The following TACR1 variants were observed in gnomAD, a reference collection of about 807,000 sequenced individuals.
The protein encoded by TACR1 is tachykinin receptor 1, also known as substance-P receptor.
TACR1 carries 25 observed loss-of-function variants against 35.8 expected under a neutral mutation model. That is an observed-to-expected ratio of 0.70 (90% confidence interval 0.51 to 0.98). The LOEUF is 0.98. Among genes scored for constraint, TACR1 ranks in the 50% least tolerant of loss-of-function variants. The pLI, the probability that TACR1 is intolerant of heterozygous loss-of-function variation, is 0.00. For synonymous variants in TACR1, 195 were observed against 206.7 expected (o/e 0.94, Z 0.48); for missense variants, 478 against 522.9 (o/e 0.91, Z 0.84).
intron 3 of TACR1, among the ~76,000 whole-genome samples, chr2:75,051,979 T>C (rs186379296): frequency 6.6e-6 from 1 of 152,190 alleles, no homozygotes; most frequent in East Asian, 1.9e-4. Context: ...GCAAGCTGCT[T>C]GGTTTTGAGA....
At chr2:75,125,566 T>G (rs1488257276) in intron 1 of TACR1, among the ~76,000 whole-genome samples, 1 of 152,228 alleles carries the variant, frequency 6.6e-6, no homozygotes, top group Non-Finnish European at 1.5e-5. Context: ...GAGGATGTAG[T>G]AAATACTCAT....
At chr2:75,110,977 C>T (rs550644041) in intron 2 of TACR1, among the ~76,000 whole-genome samples, 1 of 152,024 alleles carries the variant, frequency 6.6e-6, no homozygotes, top group South Asian at 2.1e-4. Context: ...ATGGGCCACT[C>T]AAATAAAGGA....
At chr2:75,109,216 C>T (rs558637263) in intron 2 of TACR1, among the ~76,000 whole-genome samples, 1 of 152,152 alleles carries the variant, frequency 6.6e-6, no homozygotes, top group Admixed American at 6.5e-5. Flanking sequence ...ACTGACAGCT[C>T]GCGGGCCAAT....
intron 1 of TACR1, among the ~76,000 whole-genome samples, chr2:75,137,382 G>A (rs1356281056): frequency 1.3e-5 from 2 of 152,010 alleles, no homozygotes; most frequent in African/African-American, 2.4e-5. Flanking sequence ...CGCATGGTGC[G>A]CCCTCCAATC....
chr2:75,050,183 G>A (rs907433854), intron 4 of TACR1, among the ~76,000 whole-genome samples: 3 of 152,188 alleles, frequency 2.0e-5, no homozygotes, highest in African/African-American at 7.2e-5. Flanking sequence ...TTTCTTCAGT[G>A]TGCCTCAGTT....
chr2:75,190,303 A>T (rs1675810846), intron 1 of TACR1, among the ~76,000 whole-genome samples: 1 of 152,214 alleles, frequency 6.6e-6, no homozygotes, highest in Non-Finnish European at 1.5e-5. Flanking sequence ...AAAAGAAAAC[A>T]TTTGGGTTTT....
At chr2:75,070,907 A>G (rs1206819350) in intron 2 of TACR1, among the ~76,000 whole-genome samples, 2 of 152,194 alleles carry the variant, frequency 1.3e-5, no homozygotes, top group African/African-American at 2.4e-5. Flanking sequence ...GCAAGTCGCC[A>G]TCTGTTTTTA....
At chr2:75,098,514 T>A (rs145383721) in intron 2 of TACR1, among the ~76,000 whole-genome samples, 7 of 152,310 alleles carry the variant, frequency 4.6e-5, no homozygotes, top group Non-Finnish European at 1.5e-5. Context: ...AGTTGTCTGA[T>A]GAGAAAGATG....
At chr2:75,105,300 C>T (rs996187931) in intron 2 of TACR1, among the ~76,000 whole-genome samples, 3 of 151,914 alleles carry the variant, frequency 2.0e-5, no homozygotes, top group South Asian at 2.1e-4. Context: ...AAATACTGCA[C>T]GATCTCATTG....
At chr2:75,064,942 G>T (rs1034099499) in intron 2 of TACR1, among the ~76,000 whole-genome samples, 1 of 152,184 alleles carries the variant, frequency 6.6e-6, no homozygotes, top group Admixed American at 6.5e-5. Flanking sequence ...GGTGGAGAGG[G>T]AGACCCTGCC....
chr2:75,087,733 CT>C (rs1375497671), intron 2 of TACR1, among the ~76,000 whole-genome samples: 1 of 152,212 alleles, frequency 6.6e-6, no homozygotes, highest in Admixed American at 6.5e-5. Flanking sequence ...TTCTTAATCA[CT>C]TTTCCCCTGC....
chr2:75,132,234 C>T (rs1206901168), intron 1 of TACR1, among the ~76,000 whole-genome samples: 2 of 152,040 alleles, frequency 1.3e-5, no homozygotes, highest in Non-Finnish European at 2.9e-5. Context: ...TTTGGCAAAA[C>T]ACTAAAATGA....
chr2:75,065,792 C>T (rs1672751804), intron 2 of TACR1, among the ~76,000 whole-genome samples: 1 of 152,170 alleles, frequency 6.6e-6, no homozygotes, highest in South Asian at 2.1e-4. Flanking sequence ...GTAAGTTACA[C>T]CATAAATGTG....
At chr2:75,138,221 G>A (rs1674336461) in intron 1 of TACR1, among the ~76,000 whole-genome samples, 1 of 152,164 alleles carries the variant, frequency 6.6e-6, no homozygotes, top group African/African-American at 2.4e-5. Flanking sequence ...TAGTGCAGAG[G>A]CCCAGCAGGA....
rs1227257131 is a variant in TACR1, at chr2:75,049,516, C to A, written c.1140G>T (p.Leu380=). The A allele has an allele frequency of 6.2e-7, 1 of 1,614,156 alleles. No homozygotes were observed. The highest frequency in any genetic ancestry group is 8.5e-7 in the Non-Finnish European group (1 of 1,179,982). ...EDGPKATPSS[L]DLTSNCSSRS... is the part of the protein sequence containing the mutation. Reference sequence around the variant, plus strand: ...GTGAAGAGCAGTTGGAGGTCAGGTCCAGGGACGAGGGTGTGGCCTTGGGGC... The same window carrying A: ...GTGAAGAGCAGTTGGAGGTCAGGTCAAGGGACGAGGGTGTGGCCTTGGGGC... The change falls in exon 5 of 5, where the codon CTG becomes CTT. Residue 380 remains leucine (L), a synonymous_variant. Coordinates refer to ENST00000305249, the MANE Select transcript of TACR1 (RefSeq NM_001058.4).
chr2:75,072,256 C>T (rs1297642570), intron 2 of TACR1, among the ~76,000 whole-genome samples: 1 of 152,126 alleles, frequency 6.6e-6, no homozygotes, highest in Non-Finnish European at 1.5e-5. Context: ...TGATGTGAGT[C>T]GTCTGCCAGG....
chr2:75,113,532 C>CTTTTTTTTTTTTTTTTT (rs11437762), intron 2 of TACR1, among the ~76,000 whole-genome samples: 4 of 92,082 alleles, frequency 4.3e-5, no homozygotes, highest in East Asian at 3.2e-4. Context: ...TTTCTTCTTC[C>CTTTTTTTTTTTTTTTTT]TTTTTTTTTT....
At chr2:75,076,619 A>G (rs143938163) in intron 2 of TACR1, among the ~76,000 whole-genome samples, 1 of 152,276 alleles carries the variant, frequency 6.6e-6, no homozygotes, top group East Asian at 1.9e-4. Flanking sequence ...TTTCAAACGC[A>G]GCATAAAAAG....
intron 1 of TACR1, among the ~76,000 whole-genome samples, chr2:75,178,841 T>A (rs981466320): frequency 2.0e-5 from 3 of 152,268 alleles, no homozygotes; most frequent in Non-Finnish European, 4.4e-5. Context: ...TTATTCCTTG[T>A]TGGTCATATT....
Sources: gnomAD v4.1 joint callset for allele counts (sites outside exome capture counted in the v4.1 genomes callset) on GRCh38, gnomAD v4.1.1 for gene constraint, MANE v1.5 for transcripts, NCBI Gene and HGNC (gene_info 2026-07-23, HGNC 2026-07-21) for gene names.